ITPRID1: variants seen among roughly 807,000 people sequenced by gnomAD.
The protein encoded by ITPRID1 is ITPR interacting domain containing 1, also known as protein ITPRID1.
A neutral mutation model predicts 95.4 loss-of-function variants in ITPRID1; 96 were observed. That is an observed-to-expected ratio of 1.01 (90% CI 0.85 to 1.19). The LOEUF (loss-of-function observed/expected upper bound fraction) is 1.19. ITPRID1 is among the 50% of genes most tolerant of loss of function. The pLI, the probability that ITPRID1 is intolerant of heterozygous loss-of-function variation, is 0.00. For missense variants in ITPRID1, 1,339 were observed against 1,252.9 expected (o/e 1.07, Z -1.04); for synonymous variants, 510 against 453.6 (o/e 1.12, Z -1.58).
chr7:31,632,453 TAAATA>T (rs1248001223), intron 10 of ITPRID1, among the ~76,000 whole-genome samples: 1 of 151,976 alleles, frequency 6.6e-6, no homozygotes, highest in African/African-American at 2.4e-5. Context: ...TCTCAAAAAA[TAAATA>T]AATAAAAATA....
intron 2 of ITPRID1, among the ~76,000 whole-genome samples, chr7:31,550,154 G>T (rs1784234123): frequency 1.4e-5 from 2 of 143,920 alleles, no homozygotes; most frequent in South Asian, 2.2e-4. Context: ...TGTTTATTTA[G>T]TTTTTACAAA....
At chr7:31,626,839 T>G (rs1481354095) in intron 10 of ITPRID1, among the ~76,000 whole-genome samples, 1 of 152,218 alleles carries the variant, frequency 6.6e-6, no homozygotes, top group Non-Finnish European at 1.5e-5. Flanking sequence ...TTGTATCCCC[T>G]TATCTAGCAC....
intron 12 of ITPRID1, among the ~76,000 whole-genome samples, chr7:31,649,076 TAATTGCAA>T (rs1256556277): frequency 4.6e-5 from 7 of 152,316 alleles, no homozygotes; most frequent in African/African-American, 1.4e-4. Flanking sequence ...GATGCAAGAG[TAATTGCAA>T]AATTGCAAAA....
At chr7:31,602,217 G>A (rs759185853) in intron 10 of ITPRID1, among the ~76,000 whole-genome samples, 1 of 152,040 alleles carries the variant, frequency 6.6e-6, no homozygotes, top group African/African-American at 2.4e-5. Context: ...ATTGTACTGG[G>A]GAGAAGGGAT....
intron 10 of ITPRID1, among the ~76,000 whole-genome samples, chr7:31,620,101 C>T (rs1318169941): frequency 1.3e-5 from 2 of 152,232 alleles, no homozygotes; most frequent in African/African-American, 4.8e-5. Flanking sequence ...ACAAAGCAGC[C>T]GGGAAGCTCC....
intron 1 of ITPRID1, among the ~76,000 whole-genome samples, chr7:31,518,563 C>T (rs1266672684): frequency 6.6e-6 from 1 of 152,138 alleles, no homozygotes; most frequent in Non-Finnish European, 1.5e-5. Flanking sequence ...AGTGCATAAA[C>T]CATGAATTAT....
At chr7:31,649,505 A>G (rs1195243177) in intron 12 of ITPRID1, among the ~76,000 whole-genome samples, 1 of 152,194 alleles carries the variant, frequency 6.6e-6, no homozygotes, top group Non-Finnish European at 1.5e-5. Context: ...TGGGAAATGT[A>G]ATTTTTTAGC....
chr7:31,616,190 AT>A (rs1462463532), intron 10 of ITPRID1, among the ~76,000 whole-genome samples: 1 of 135,284 alleles, frequency 7.4e-6, no homozygotes, highest in East Asian at 2.7e-4. Flanking sequence ...ATTTGTTAAT[AT>A]ATTAATAACA....
intron 10 of ITPRID1, among the ~76,000 whole-genome samples, chr7:31,599,253 A>G (rs1324264218): frequency 6.6e-6 from 1 of 152,226 alleles, no homozygotes; most frequent in Non-Finnish European, 1.5e-5. Context: ...AAGTTAGTCT[A>G]TCCACATAGA....
intron 5 of ITPRID1, among the ~76,000 whole-genome samples, chr7:31,560,167 T>C (rs1035427227): frequency 6.6e-6 from 1 of 152,188 alleles, no homozygotes; most frequent in Non-Finnish European, 1.5e-5. Flanking sequence ...GAAAATAAGA[T>C]GGCATATGCA....
intron 10 of ITPRID1, among the ~76,000 whole-genome samples, chr7:31,607,518 G>T (rs1406331298): frequency 2.0e-5 from 3 of 151,962 alleles, no homozygotes; most frequent in Non-Finnish European, 4.4e-5. Context: ...TTCTTGTGTT[G>T]TGCTGTTGAA....
intron 10 of ITPRID1, among the ~76,000 whole-genome samples, chr7:31,594,276 T>C (rs910133107): frequency 1.2e-4 from 19 of 152,278 alleles, no homozygotes; most frequent in Admixed American, 1.2e-3. Context: ...ATTCAAACAA[T>C]GAGAAAATCA....
chr7:31,630,245 A>C (rs1430685338), intron 10 of ITPRID1, among the ~76,000 whole-genome samples: 2 of 1,158 alleles, frequency 1.7e-3, no homozygotes, highest in African/African-American at 2.2e-3. Flanking sequence ...TCTACTTGGC[A>C]AAAAAAAAAA....
chr7:31,658,021 AAG>A (rs1419258993), downstream of ITPRID1, among the ~76,000 whole-genome samples: 1 of 152,192 alleles, frequency 6.6e-6, no homozygotes, highest in Non-Finnish European at 1.5e-5. Flanking sequence ...TTGAATAGGT[AAG>A]ATCAATTTGA....
intron 10 of ITPRID1, among the ~76,000 whole-genome samples, chr7:31,628,216 C>T (rs1339421545): frequency 6.6e-6 from 1 of 152,198 alleles, no homozygotes; most frequent in East Asian, 1.9e-4. Flanking sequence ...TTCTGCCCTT[C>T]AATCTCCTAC....
intron 10 of ITPRID1, among the ~76,000 whole-genome samples, chr7:31,638,452 C>G (rs866397103): frequency 1.3e-5 from 2 of 152,134 alleles, no homozygotes; most frequent in Non-Finnish European, 2.9e-5. Flanking sequence ...TTTATAATAA[C>G]AGGTGTTTAT....
intron 5 of ITPRID1, among the ~76,000 whole-genome samples, chr7:31,564,298 C>CATTT (rs1314597715): frequency 6.6e-6 from 1 of 152,038 alleles, no homozygotes; most frequent in Non-Finnish European, 1.5e-5. Context: ...TTAAAACTGA[C>CATTT]ATTTTAACCC....
rs146070956 is a variant in ITPRID1 at position 31,526,882 on chromosome 7, T to C, written c.-98+12762T>C. Among the ~76,000 whole-genome samples the C allele has an allele frequency of 6.5e-3, 985 of 152,318 alleles. 16 individuals carry two copies. The highest frequency in any genetic ancestry group is 0.022 in the African/African-American group (929 of 41,576). On this transcript the variant is annotated intron_variant, in intron 1 of 14. Coordinates refer to ENST00000615280, the MANE Select transcript of ITPRID1 (RefSeq NM_001257967.3). The stretch of plus-strand genomic sequence containing the variant: ...GCTTCCATTCATTCCATTCTCCATA[T>C]TGAAGCAAGAAGATCTTTTCAGAAT...
intron 10 of ITPRID1, among the ~76,000 whole-genome samples, chr7:31,626,078 C>A (rs953849859): frequency 6.6e-6 from 1 of 152,072 alleles, no homozygotes; most frequent in Non-Finnish European, 1.5e-5. Flanking sequence ...AAAGAACAGA[C>A]AGAAGTTCAA....
Sources: allele counts gnomAD v4.1 joint callset (sites outside exome capture counted in the v4.1 genomes callset), GRCh38; gene constraint gnomAD v4.1.1; transcripts MANE v1.5; gene names NCBI Gene and HGNC (gene_info 2026-07-23, HGNC 2026-07-21).